The following COPG2 variants were observed in gnomAD, a reference collection of about 807,000 sequenced individuals.
COPG2 encodes the protein coatomer subunit gamma-2.
Under a neutral mutation model 46.3 loss-of-function variants are expected in COPG2, and 37 were observed. That is an observed-to-expected ratio of 0.80 (90% CI 0.61 to 1.05). COPG2 has a LOEUF of 1.05. COPG2 is among the 50% of genes least tolerant of loss of function. The pLI, the probability that COPG2 is intolerant of heterozygous loss-of-function variation, is 0.00. For missense variants in COPG2, 427 were observed against 387.8 expected, an observed-to-expected ratio of 1.10 and a Z score of -0.85; for synonymous variants, 159 against 129.7, an observed-to-expected ratio of 1.23 and a Z score of -1.53.
chr7:130,541,197 G>A (rs1416546743), intron 20 of COPG2, among the ~76,000 whole-genome samples: 3 of 152,142 alleles, frequency 2.0e-5, no homozygotes, highest in East Asian at 1.9e-4. Flanking sequence ...AAAAGGCACC[G>A]GGTACCCTGG....
At chr7:130,545,345 G>A (rs1427895136) in intron 20 of COPG2, among the ~76,000 whole-genome samples, 1 of 152,082 alleles carries the variant, frequency 6.6e-6, no homozygotes, top group Admixed American at 6.6e-5. Context: ...CAAGTTGAAG[G>A]AAATCAAACC....
chr7:130,652,443 T>A (rs1249844999), intron 5 of COPG2, among the ~76,000 whole-genome samples: 1 of 152,220 alleles, frequency 6.6e-6, no homozygotes, highest in Non-Finnish European at 1.5e-5. Context: ...TTTTAATTTA[T>A]GTTTTTTGGT....
intron 20 of COPG2, among the ~76,000 whole-genome samples, chr7:130,525,069 T>C (rs1799760780): frequency 6.6e-6 from 1 of 152,032 alleles, no homozygotes; most frequent in Non-Finnish European, 1.5e-5. Flanking sequence ...AAGGTTTTAA[T>C]GTGAATCCTG....
In COPG2 at chr7:130,634,278, G is replaced by A. The variant is rs559099080; in HGVS notation, c.324-17213C>T. Among the ~76,000 whole-genome samples, 3 of 152,234 alleles carry A rather than the reference G, an allele frequency of 2.0e-5. No homozygotes were observed. The East Asian group carries it at 5.8e-4, about 29-fold the overall frequency. ...TGAAGAAAGCCAATGGGAGCTTAATGGGGATAGCACTGATTCTACACATTA... is the reference window on the plus strand; with the variant it reads ...TGAAGAAAGCCAATGGGAGCTTAATAGGGATAGCACTGATTCTACACATTA... On this transcript the variant is annotated intron_variant, in intron 5 of 23. Coordinates refer to ENST00000425248, the MANE Select transcript of COPG2 (RefSeq NM_012133.6).
At chr7:130,658,542 T>G (rs1226034231) in intron 4 of COPG2, among the ~76,000 whole-genome samples, 5 of 151,770 alleles carry the variant, frequency 3.3e-5, no homozygotes, top group African/African-American at 1.2e-4. Context: ...CATGTAAAAC[T>G]ACACTTAAAA....
At chr7:130,547,899 C>T in intron 19 of COPG2, 54 bp from the exon 20 acceptor site, 1 of 398,502 alleles carries the variant, frequency 2.5e-6, no homozygotes, top group Admixed American at 4.4e-5. Context: ...ATCCTTCCTA[C>T]TCATAACCCA....
intron 9 of COPG2, among the ~76,000 whole-genome samples, chr7:130,585,869 G>T (rs558624297): frequency 1.3e-5 from 2 of 152,166 alleles, no homozygotes; most frequent in East Asian, 3.9e-4. Flanking sequence ...ACTGCTGGTG[G>T]GAATGTAAAC....
At chr7:130,619,814 G>T (rs1795008044) in intron 5 of COPG2, among the ~76,000 whole-genome samples, 1 of 152,180 alleles carries the variant, frequency 6.6e-6, no homozygotes, top group East Asian at 1.9e-4. Flanking sequence ...TCGCTTAGCT[G>T]TATTATTCTT....
At chr7:130,617,154 T>C in intron 5 of COPG2, 89 bp from the exon 6 acceptor site, 1 of 674,906 alleles carries the variant, frequency 1.5e-6, no homozygotes, top group Non-Finnish European at 2.5e-6. Flanking sequence ...GTCCCATAAT[T>C]ATCTTAATGC....
rs1039501871 is a variant in COPG2, at chr7:130,544,855, A to G, written c.2149+2819T>C. 2.6e-5 allele frequency among the ~76,000 whole-genome samples: 4 copies of G among 152,314 alleles called. No individual in the cohort carries two copies. The East Asian group carries it at 7.7e-4, about 29-fold the overall frequency. ...AGTTACATAGAGACTTAGGATGTCCATAGTCTTTCAAGAAATTGCCCAACC... is the reference window on the plus strand; with the variant it reads ...AGTTACATAGAGACTTAGGATGTCCGTAGTCTTTCAAGAAATTGCCCAACC... On this transcript the variant is annotated intron_variant, in intron 20 of 23. Transcript: ENST00000425248.
At chr7:130,564,618 T>C (rs918202947) in intron 9 of COPG2, 8 of 355,466 alleles carry the variant, frequency 2.3e-5, no homozygotes, top group African/African-American at 1.7e-4. Flanking sequence ...ATCCTGAACA[T>C]CTATTTAAGA....
Position 130,506,479 on chromosome 7 carries a change from T to TAAAAA in COPG2, c.*192_*196dup, listed in dbSNP as rs1799485797. Reference sequence around the variant, plus strand: ...TCGTCCCAAAGCTGACCAAGTAGAATAAAAAGAAAAAAAAAAAAAAACAAC... The same window carrying TAAAAA: ...TCGTCCCAAAGCTGACCAAGTAGAATAAAAAAAAAAGAAAAAAAAAAAAAAACAAC... On this transcript the variant is annotated 3_prime_UTR_variant, in exon 24 of 24. Coordinates refer to ENST00000425248, the MANE Select transcript of COPG2 (RefSeq NM_012133.6). 2.9e-6 allele frequency: 1 copy of TAAAAA among 345,192 alleles called. No individual in the cohort carries two copies. The allele number at this position is 345,192 out of a possible 1,614,324, so 21.4% of individuals were successfully genotyped here. A position where few individuals can be genotyped will look rare whatever the true frequency, so the allele number is the denominator to read the frequency against.
At chr7:130,667,748 C>T (rs1291672678) in intron 1 of COPG2, among the ~76,000 whole-genome samples, 3 of 152,208 alleles carry the variant, frequency 2.0e-5, no homozygotes, top group Non-Finnish European at 4.4e-5. Flanking sequence ...TTCGCAGCAA[C>T]CCTCTCCAAA....
At chr7:130,668,439 T>A (rs1422200035) in intron 1 of COPG2, among the ~76,000 whole-genome samples, 193 bp downstream of exon 1, 3 of 147,684 alleles carry the variant, frequency 2.0e-5, no homozygotes, top group Admixed American at 6.7e-5. Flanking sequence ...GAAGGGAGGC[T>A]CCGGCGCCCG....
chr7:130,510,877 T>C, intron 20 of COPG2: 2 of 516,668 alleles, frequency 3.9e-6, no homozygotes, highest in Non-Finnish European at 3.9e-6. Context: ...AAGAAAATAC[T>C]GAATGCACTG....
At chr7:130,542,817 G>A (rs1793359399) in intron 20 of COPG2, among the ~76,000 whole-genome samples, 1 of 152,130 alleles carries the variant, frequency 6.6e-6, no homozygotes, top group African/African-American at 2.4e-5. Context: ...TTTGTGCAGG[G>A]CTTAGCATCA....
At chr7:130,667,852 C>A (rs964508598) in intron 1 of COPG2, among the ~76,000 whole-genome samples, 1 of 152,092 alleles carries the variant, frequency 6.6e-6, no homozygotes, top group Admixed American at 6.5e-5. Context: ...TAGTAGGGTG[C>A]TTTTGATTTC....
At chr7:130,568,775 C>A (rs1356749553) in intron 9 of COPG2, among the ~76,000 whole-genome samples, 1 of 152,188 alleles carries the variant, frequency 6.6e-6, no homozygotes, top group Non-Finnish European at 1.5e-5. Context: ...TTCATCAGCA[C>A]ATGGAACATT....
chr7:130,528,157 G>A (rs1799791384), intron 20 of COPG2, among the ~76,000 whole-genome samples: 2 of 152,080 alleles, frequency 1.3e-5, no homozygotes, highest in African/African-American at 4.8e-5. Flanking sequence ...GGAGAGTCAG[G>A]TTGAGACTGG....
Sources: gnomAD v4.1 joint callset for allele counts (sites outside exome capture counted in the v4.1 genomes callset) on GRCh38, gnomAD v4.1.1 for gene constraint, MANE v1.5 for transcripts, NCBI Gene and HGNC (gene_info 2026-07-23, HGNC 2026-07-21) for gene names.